Variants in PARVB observed in about 807,000 individuals in gnomAD.
PARVB encodes the protein beta-parvin.
PARVB carries 46 observed loss-of-function variants against 47.0 expected under a neutral mutation model. That is an observed-to-expected ratio of 0.98 (90% CI 0.77 to 1.25). The LOEUF is 1.25. Among genes scored for constraint, PARVB ranks in the 50% most tolerant of loss-of-function variants. The pLI is 0.00. For synonymous variants in PARVB, 196 were observed against 196.3 expected, an observed-to-expected ratio of 1.00 and a Z score of 0.01; for missense variants, 473 against 471.6, an observed-to-expected ratio of 1.00 and a Z score of -0.03.
chr22:44,095,338 G>A (rs13057965), intron 2 of PARVB, among the ~76,000 whole-genome samples: 4 of 152,098 alleles, frequency 2.6e-5, no homozygotes, highest in Admixed American at 6.5e-5. Flanking sequence ...GCGAAACCGC[G>A]TCTCTCCTAA....
chr22:44,137,307 C>A (rs1027553135), intron 7 of PARVB, among the ~76,000 whole-genome samples: 3 of 152,176 alleles, frequency 2.0e-5, no homozygotes, highest in Non-Finnish European at 4.4e-5. Context: ...TGTGCAGAGG[C>A]CCATGAAGAG....
intron 1 of PARVB, among the ~76,000 whole-genome samples, chr22:44,032,326 C>T (rs921287319): frequency 1.3e-5 from 2 of 152,184 alleles, no homozygotes; most frequent in African/African-American, 2.4e-5. Flanking sequence ...GGGAAACCAG[C>T]GGAGTCTTTT....
chr22:44,124,098 C>A (rs924764975), intron 4 of PARVB, among the ~76,000 whole-genome samples: 1 of 152,168 alleles, frequency 6.6e-6, no homozygotes, highest in Non-Finnish European at 1.5e-5. Flanking sequence ...TGAAAGAATT[C>A]CTGCAGTTTC....
At chr22:44,011,452 TA>T (rs1238205592) in intron 2 of PARVB, among the ~76,000 whole-genome samples, 1 of 151,950 alleles carries the variant, frequency 6.6e-6, no homozygotes, top group Non-Finnish European at 1.5e-5. Flanking sequence ...GTCTCTACTT[TA>T]TACAAAAGTT....
chr22:44,047,752 T>G (rs1020272885), intron 1 of PARVB, among the ~76,000 whole-genome samples: 3 of 152,170 alleles, frequency 2.0e-5, no homozygotes, highest in African/African-American at 7.2e-5. Context: ...CCAACATATC[T>G]TTTTTTGGGG....
At chr22:44,160,852 C>G (rs887903901) in intron 11 of PARVB, among the ~76,000 whole-genome samples, 2 of 152,136 alleles carry the variant, frequency 1.3e-5, no homozygotes, top group African/African-American at 4.8e-5. Context: ...CCTCGTCACC[C>G]GATCACACTC....
chr22:44,070,904 G>A (rs2051640035), intron 1 of PARVB, among the ~76,000 whole-genome samples: 1 of 152,168 alleles, frequency 6.6e-6, no homozygotes, highest in African/African-American at 2.4e-5. Context: ...AACCCTTGAG[G>A]CTAGAACCTT....
intron 8 of PARVB, 191 bp from the exon 9 acceptor site, chr22:44,147,670 C>T (rs1175330133): frequency 8.4e-5 from 63 of 750,586 alleles, no homozygotes; most frequent in Non-Finnish European, 3.9e-5. Flanking sequence ...CGCTCTTGCT[C>T]GCCTTGGTTT....
intron 1 of PARVB, among the ~76,000 whole-genome samples, chr22:44,085,637 A>G (rs1273039167): frequency 6.6e-6 from 1 of 152,146 alleles, no homozygotes; most frequent in African/African-American, 2.4e-5. Context: ...AAATCTCAAC[A>G]CCATGCTATG....
intron 1 of PARVB, among the ~76,000 whole-genome samples, chr22:44,071,329 T>G (rs1052719959): frequency 8.5e-5 from 13 of 152,150 alleles, no homozygotes; most frequent in Non-Finnish European, 1.5e-4. Context: ...ACCAAATAGG[T>G]GTCCTGCTCA....
chr22:44,133,990 G>T (rs1403771150), intron 6 of PARVB, among the ~76,000 whole-genome samples: 1 of 152,190 alleles, frequency 6.6e-6, no homozygotes, highest in Non-Finnish European at 1.5e-5. Flanking sequence ...CGTCTGTGGG[G>T]GTGACCACTG....
chr22:44,131,640 C>T lies in PARVB; in HGVS notation c.517+13C>T. On this transcript the variant is annotated intron_variant, in intron 5 of 12. Transcript: ENST00000338758. ...TGGAGCGTGGACTGTGAGTTCCACG[C>T]CACAGGGGGAGGGACTGTCTGGAGG... 6.2e-7 allele frequency: 1 copy of T among 1,603,662 alleles called. No homozygotes were observed. The highest frequency in any genetic ancestry group is 1.1e-5 in the South Asian group (1 of 89,718).
At chr22:44,085,419 C>T (rs55710663) in intron 1 of PARVB, among the ~76,000 whole-genome samples, 6,301 of 152,248 alleles carry the variant, frequency 0.041, 181 homozygotes, top group Middle Eastern at 0.082. Context: ...AAACTTTCTT[C>T]CCAGCCTCCT....
intron 7 of PARVB, 98 bp from the exon 8 acceptor site, chr22:44,140,026 T>C (rs1053304197): frequency 1.5e-5 from 23 of 1,543,796 alleles, no homozygotes; most frequent in Admixed American, 1.3e-4. Context: ...AGGGCCCAGC[T>C]TTCTGGCTGG....
chr22:44,115,713 C>G (rs71330731), intron 3 of PARVB: 5 of 75,550 alleles, frequency 6.6e-5, no homozygotes, highest in South Asian at 4.4e-4. Flanking sequence ...TTGTTACTAA[C>G]TAAGGCCCTA....
intron 1 of PARVB, among the ~76,000 whole-genome samples, chr22:44,030,776 G>C (rs1213784688): frequency 6.6e-6 from 1 of 152,136 alleles, no homozygotes; most frequent in Non-Finnish European, 1.5e-5. Context: ...GATTTGCAAG[G>C]AGTGTGGTCT....
intron 1 of PARVB, among the ~76,000 whole-genome samples, chr22:44,027,177 C>T (rs554269616): frequency 7.2e-5 from 11 of 151,926 alleles, no homozygotes; most frequent in Admixed American, 5.9e-4. Flanking sequence ...GCTCTGGGGA[C>T]GTGAAAGGAC....
chr22:44,034,241 A>ATG (rs1157272293), intron 1 of PARVB, among the ~76,000 whole-genome samples: 6 of 143,058 alleles, frequency 4.2e-5, no homozygotes, highest in East Asian at 4.0e-4. Flanking sequence ...ATACATATAT[A>ATG]TTTGAGATGG....
intron 1 of PARVB, among the ~76,000 whole-genome samples, chr22:44,047,134 A>G (rs1296676344): frequency 6.6e-6 from 1 of 152,134 alleles, no homozygotes; most frequent in Non-Finnish European, 1.5e-5. Flanking sequence ...GCTATAAAGG[A>G]ACACTAAGGC....
Sources: allele counts gnomAD v4.1 joint callset (sites outside exome capture counted in the v4.1 genomes callset), GRCh38; gene constraint gnomAD v4.1.1; transcripts MANE v1.5; gene names NCBI Gene and HGNC (gene_info 2026-07-23, HGNC 2026-07-21).